The following ADRA1B variants were observed in gnomAD, a reference collection of about 807,000 sequenced individuals.
ADRA1B encodes adrenoceptor alpha 1B, also known as alpha-1B adrenergic receptor.
In ADRA1B, 17 loss-of-function variants were observed where a neutral mutation model predicts 17.9. The observed-to-expected ratio is 0.95, with a 90% CI of 0.65 to 1.42. The LOEUF (loss-of-function observed/expected upper bound fraction) is 1.42, where lower values mean the gene tolerates loss of function less well. ADRA1B is among the 40% of genes most tolerant of loss of function. ADRA1B has a pLI of 0.00. For synonymous variants in ADRA1B, 366 were observed against 327.6 expected (o/e 1.12, Z -1.27); for missense variants, 681 against 722.1 (o/e 0.94, Z 0.65).
intron 1 of ADRA1B, among the ~76,000 whole-genome samples, chr5:159,956,269 G>A (rs532311050): frequency 6.6e-6 from 1 of 152,232 alleles, no homozygotes; most frequent in South Asian, 2.1e-4. Context: ...AATGTCCATT[G>A]CAAAAAGAAT....
intron 1 of ADRA1B, among the ~76,000 whole-genome samples, chr5:159,899,279 G>GAAGA (rs1554088335): frequency 8.6e-5 from 12 of 138,744 alleles, no homozygotes; most frequent in East Asian, 2.1e-4. Context: ...AGGAAGGAAG[G>GAAGA]AAGGAAGGAA....
chr5:159,957,929 C>CAAAAAAAAAAAAAAAAAAAAAAAAAA (rs35956137), intron 1 of ADRA1B, among the ~76,000 whole-genome samples: 1 of 66,850 alleles, frequency 1.5e-5, no homozygotes, highest in Admixed American at 2.0e-4. Flanking sequence ...AACCCCATCT[C>CAAAAAAAAAAAAAAAAAAAAAAAAAA]AAAAAAAAAA....
intron 1 of ADRA1B, among the ~76,000 whole-genome samples, chr5:159,954,759 C>G (rs942641091): frequency 6.6e-6 from 1 of 152,160 alleles, no homozygotes; most frequent in African/African-American, 2.4e-5. Flanking sequence ...AGGAAGGCCT[C>G]CTCCACCTGG....
downstream of ADRA1B, among the ~76,000 whole-genome samples, chr5:159,975,628 A>G (rs2113304849): frequency 6.6e-6 from 1 of 152,276 alleles, no homozygotes; most frequent in African/African-American, 2.4e-5. Flanking sequence ...CAGCATAGAG[A>G]GGCGGTAGCA....
At chr5:159,873,129 T>G (rs1753766374) in intron 1 of ADRA1B, among the ~76,000 whole-genome samples, 1 of 152,242 alleles carries the variant, frequency 6.6e-6, no homozygotes, top group African/African-American at 2.4e-5. Flanking sequence ...GGCTGCATAG[T>G]ATTCCATAGT....
chr5:159,908,854 G>A (rs538557846), intron 1 of ADRA1B, among the ~76,000 whole-genome samples: 54 of 152,244 alleles, frequency 3.5e-4, no homozygotes, highest in African/African-American at 9.4e-4. Flanking sequence ...CGCTCCAAAG[G>A]GCAGGGGAAA....
chr5:159,866,295 GAAAAAAAAAA>G (rs34220518), intron 1 of ADRA1B, among the ~76,000 whole-genome samples: 1 of 90,252 alleles, frequency 1.1e-5, no homozygotes. Context: ...AACATAGTGA[GAAAAAAAAAA>G]AAAAAAAAGA....
intron 1 of ADRA1B, among the ~76,000 whole-genome samples, chr5:159,902,279 A>C (rs528637782): frequency 6.6e-6 from 1 of 152,320 alleles, no homozygotes; most frequent in African/African-American, 2.4e-5. Flanking sequence ...TACATGAGAT[A>C]AGTAGTTGAA....
At chr5:159,961,484 C>A (rs1301094138) in intron 1 of ADRA1B, among the ~76,000 whole-genome samples, 1 of 152,168 alleles carries the variant, frequency 6.6e-6, no homozygotes. Context: ...ATGGAAAAAC[C>A]TTGAAGGGAA....
chr5:159,874,456 C>T (rs1283026197), intron 1 of ADRA1B, among the ~76,000 whole-genome samples: 1 of 152,214 alleles, frequency 6.6e-6, no homozygotes, highest in Non-Finnish European at 1.5e-5. Context: ...CCTTAACCTT[C>T]TTAGGTGTCA....
rs79647672 is a variant in ADRA1B at position 159,910,453 on chromosome 5, A to T, written c.-255-5666A>T. ...TCTCCTGGCTAGTGACCCTGGCTCT[A>T]CCTCAGACAAATTTCTCCCTCTTTC... On this transcript the variant is annotated intron_variant, in intron 1 of 2. Transcript: ENST00000641205. 7.1e-3 allele frequency among the ~76,000 whole-genome samples: 1,079 copies of T among 152,266 alleles called. 10 individuals carry two copies. The highest frequency in any genetic ancestry group is 0.012 in the Non-Finnish European group (799 of 68,026).
chr5:159,904,531 A>C (rs930577459), intron 1 of ADRA1B, among the ~76,000 whole-genome samples: 1 of 152,182 alleles, frequency 6.6e-6, no homozygotes, highest in Non-Finnish European at 1.5e-5. Flanking sequence ...AATGGAAGGC[A>C]CCTCCTCAAT....
chr5:159,943,864 GA>G (rs141490244), intron 1 of ADRA1B, among the ~76,000 whole-genome samples: 1,822 of 151,590 alleles, frequency 0.012, 45 homozygotes, highest in African/African-American at 0.042. Context: ...CTGGGTGACT[GA>G]CTGACTACCA....
chr5:159,930,912 T>C (rs1754785192), intron 1 of ADRA1B, among the ~76,000 whole-genome samples: 2 of 150,398 alleles, frequency 1.3e-5, no homozygotes, highest in Non-Finnish European at 3.0e-5. Context: ...TTTATAATTT[T>C]GGAAGAAAAA....
At chr5:159,902,491 A>G (rs1299542630) in intron 1 of ADRA1B, among the ~76,000 whole-genome samples, 1 of 152,034 alleles carries the variant, frequency 6.6e-6, no homozygotes, top group Non-Finnish European at 1.5e-5. Flanking sequence ...TTTAACCACC[A>G]TTTAAAAAAA....
chr5:159,887,641 G>T (rs1201893703), intron 1 of ADRA1B, among the ~76,000 whole-genome samples: 1 of 152,162 alleles, frequency 6.6e-6, no homozygotes, highest in Non-Finnish European at 1.5e-5. Flanking sequence ...CATCATATTT[G>T]GTTGGTTTTG....
At chr5:159,950,590 T>C (rs1192717954) in intron 1 of ADRA1B, 1 of 1,095,136 alleles carries the variant, frequency 9.1e-7, no homozygotes, top group African/African-American at 1.5e-5. Context: ...AAAATGGTCT[T>C]TGAGGGCAAT....
At chr5:159,976,842 GA>G (rs139205066), downstream of ADRA1B, among the ~76,000 whole-genome samples, 710 of 152,196 alleles carry the variant, frequency 4.7e-3, 11 homozygotes, top group African/African-American at 0.016. Flanking sequence ...TGGAGGAGGG[GA>G]CCAGGACAGT....
chr5:159,971,081 C>T (rs781354805), intron 1 of ADRA1B, among the ~76,000 whole-genome samples: 1 of 152,210 alleles, frequency 6.6e-6, no homozygotes, highest in African/African-American at 2.4e-5. Flanking sequence ...GGATTACAGG[C>T]ATGAGCCACT....
Sources: allele counts gnomAD v4.1 joint callset (sites outside exome capture counted in the v4.1 genomes callset), GRCh38; gene constraint gnomAD v4.1.1; transcripts MANE v1.5; gene names NCBI Gene and HGNC (gene_info 2026-07-23, HGNC 2026-07-21).